PRKCB: variants seen among roughly 807,000 people sequenced by gnomAD.
PRKCB encodes the protein protein kinase C beta type.
A neutral mutation model predicts 81.5 loss-of-function variants in PRKCB; 13 were observed. The observed-to-expected ratio is 0.16, with a 90% CI of 0.10 to 0.25. The LOEUF (loss-of-function observed/expected upper bound fraction) is 0.25, where lower values mean the gene tolerates loss of function less well. Ranked by LOEUF, PRKCB falls within the 10% of genes least tolerant of loss-of-function variation. The probability of loss-of-function intolerance (pLI) is 1.00; values close to 1 mark genes in which losing one functional copy is unlikely to be tolerated. For missense variants in PRKCB, 509 were observed against 875.7 expected (o/e 0.58, Z 5.29); for synonymous variants, 335 against 321.4 (o/e 1.04, Z -0.45).
intron 2 of PRKCB, among the ~76,000 whole-genome samples, chr16:23,924,365 A>T (rs9935156): frequency 0.92 from 139,652 of 152,028 alleles, 64,425 homozygotes; most frequent in East Asian, 1. Flanking sequence ...GGTAGTATCA[A>T]GATAGCAGTG....
chr16:24,022,185 A>G (rs1965413744), intron 3 of PRKCB, among the ~76,000 whole-genome samples: 1 of 152,106 alleles, frequency 6.6e-6, no homozygotes, highest in African/African-American at 2.4e-5. Flanking sequence ...GAGTCAGACA[A>G]ACTCACTCGG....
Position 24,032,175 on chromosome 16 carries a change from T to G in PRKCB, c.328T>G (p.Ser110Ala), listed in dbSNP as rs1187190929. ...SKHKFKIHTY[S>A]SPTFCDHCGS... ...ACACAAGTTTAAGATCCACACGTACTCCAGCCCCACGTTTTGTGACCACTG... is the reference window on the plus strand; with the variant it reads ...ACACAAGTTTAAGATCCACACGTACGCCAGCCCCACGTTTTGTGACCACTG... The change falls in exon 4 of 17, where the codon TCC becomes GCC. Residue 110 changes from serine to alanine, a missense_variant. Ser to Ala is a moderately conservative substitution (Grantham distance 99). Around this residue, in one of 6 missense-constraint regions of PRKCB, gnomAD observed 184 missense variants for 362.9 expected, o/e 0.51. Transcript: ENST00000643927. 6.2e-7 allele frequency: 1 copy of G among 1,613,818 alleles called. No homozygotes were observed. Among genetic ancestry groups the G allele is most frequent in the Non-Finnish European group, 8.5e-7 (1 of 1,179,908 alleles).
intron 2 of PRKCB, among the ~76,000 whole-genome samples, chr16:23,950,134 T>TTTTG (rs1964258502): frequency 1.6e-5 from 2 of 126,476 alleles, no homozygotes; most frequent in African/African-American, 3.3e-5. Flanking sequence ...TGATTTGAAT[T>TTTTG]TTTTTTTTTT....
chr16:23,866,228 G>T (rs8060341), intron 2 of PRKCB, among the ~76,000 whole-genome samples: 1 of 152,090 alleles, frequency 6.6e-6, no homozygotes, highest in African/African-American at 2.4e-5. Flanking sequence ...GAAAACATCA[G>T]GGGAGGTAGA....
At chr16:23,992,244 A>C (rs1265371583) in intron 3 of PRKCB, among the ~76,000 whole-genome samples, 1 of 152,232 alleles carries the variant, frequency 6.6e-6, no homozygotes, top group African/African-American at 2.4e-5. Flanking sequence ...AGCAGCCAGA[A>C]GGGACTAGGA....
intron 5 of PRKCB, among the ~76,000 whole-genome samples, chr16:24,049,786 G>C (rs748849330): frequency 9.2e-5 from 14 of 152,214 alleles, no homozygotes; most frequent in Non-Finnish European, 2.9e-5. Context: ...AAAGTGGTTT[G>C]TGTACATGGG....
At chr16:23,953,637 T>G (rs1163128928) in intron 2 of PRKCB, among the ~76,000 whole-genome samples, 1 of 152,198 alleles carries the variant, frequency 6.6e-6, no homozygotes, top group Non-Finnish European at 1.5e-5. Flanking sequence ...GGTGGTTGAG[T>G]GAAGATCTTC....
intron 3 of PRKCB, among the ~76,000 whole-genome samples, chr16:23,997,123 T>G (rs149881600): frequency 6.6e-6 from 1 of 152,200 alleles, no homozygotes; most frequent in Non-Finnish European, 1.5e-5. Flanking sequence ...ATTCTATTGA[T>G]AGTTAACACT....
intron 5 of PRKCB, among the ~76,000 whole-genome samples, chr16:24,061,919 A>AAT (rs968637770): frequency 6.8e-6 from 1 of 146,694 alleles, no homozygotes; most frequent in Non-Finnish European, 1.5e-5. Flanking sequence ...ATAAAAAAAA[A>AAT]AAAAAAAAAA....
intron 16 of PRKCB, among the ~76,000 whole-genome samples, chr16:24,207,397 A>G (rs1177453842): frequency 6.6e-6 from 1 of 152,238 alleles, no homozygotes. Flanking sequence ...ATAATCAAGC[A>G]TAAAGGGGAA....
intron 2 of PRKCB, among the ~76,000 whole-genome samples, chr16:23,931,532 G>A (rs1302825068): frequency 1.3e-5 from 2 of 152,174 alleles, no homozygotes; most frequent in Admixed American, 6.5e-5. Context: ...GGGTGAGGGT[G>A]TGAGAAGAGA....
At chr16:24,021,091 T>TTTTCTTTC (rs1439131100) in intron 3 of PRKCB, among the ~76,000 whole-genome samples, 22 of 58,024 alleles carry the variant, frequency 3.8e-4, no homozygotes, top group African/African-American at 9.0e-4. Context: ...TTCTTTCTTT[T>TTTTCTTTC]TTTCTTTCTT....
At chr16:23,880,634 G>A (rs1225513071) in intron 2 of PRKCB, among the ~76,000 whole-genome samples, 1 of 151,704 alleles carries the variant, frequency 6.6e-6, no homozygotes, top group Non-Finnish European at 1.5e-5. Flanking sequence ...ATGAAGTAGG[G>A]TACTAGAATT....
chr16:23,882,021 T>TTCTTTCTTTCTTTCTCTTTCTTC (rs1555481692), intron 2 of PRKCB, among the ~76,000 whole-genome samples: 2 of 55,632 alleles, frequency 3.6e-5, no homozygotes, highest in Non-Finnish European at 7.3e-5. Context: ...TTTCTTTCTT[T>TTCTTTCTTTCTTTCTCTTTCTTC]CTTCCTTCCT....
intron 2 of PRKCB, among the ~76,000 whole-genome samples, chr16:23,937,749 T>C (rs1964082537): frequency 6.6e-6 from 1 of 152,200 alleles, no homozygotes; most frequent in African/African-American, 2.4e-5. Context: ...TCTCTTCTGC[T>C]CAAAATTAAG....
Position 24,220,516 on chromosome 16 carries a change from T to C in PRKCB, c.*5700T>C, listed in dbSNP as rs1438704038. ...TAAGCATGAGCGATATTTTTAAAAA[T>C]TGTGAGTAAGCTTTGCAGTTACTGT... On this transcript the variant is annotated 3_prime_UTR_variant, in exon 17 of 17. Transcript: ENST00000643927. 3 of 159,194 alleles carry C rather than the reference T, an allele frequency of 1.9e-5. No homozygotes were observed. Among genetic ancestry groups the C allele is most frequent in the African/African-American group, 7.2e-5 (3 of 41,576 alleles). The allele number at this position is 159,194 out of a possible 1,614,324, so 9.9% of individuals were successfully genotyped here. A position where few individuals can be genotyped will look rare whatever the true frequency, so the allele number is the denominator to read the frequency against.
chr16:24,164,686 C>T (rs1227865095), intron 10 of PRKCB, among the ~76,000 whole-genome samples: 2 of 152,112 alleles, frequency 1.3e-5, no homozygotes, highest in African/African-American at 4.8e-5. Context: ...ATCAGCCCAG[C>T]GAGATGAGAG....
chr16:23,936,673 C>T (rs1298788644), intron 2 of PRKCB, among the ~76,000 whole-genome samples: 1 of 147,912 alleles, frequency 6.8e-6, no homozygotes, highest in Non-Finnish European at 1.5e-5. Context: ...GATCCACCTG[C>T]CTTGGCCTCC....
At position 23,848,098 on chromosome 16, in the gene PRKCB, C is replaced by T. The variant is rs532341917; in HGVS notation, c.205+10692C>T. Among the ~76,000 whole-genome samples the T allele has an allele frequency of 7.9e-5, 12 of 152,162 alleles. No homozygotes were observed. The East Asian group carries it at 2.3e-3, about 29-fold the overall frequency. ...GTGAGGAGAGAGAATAGGGCACATG[C>T]AGGGAACAGGAAGAAGAGGGTGTGA... is the stretch of plus-strand genomic sequence containing the variant. On this transcript the variant is annotated intron_variant, in intron 2 of 16. Transcript: ENST00000643927.
Sources: allele counts gnomAD v4.1 joint callset (sites outside exome capture counted in the v4.1 genomes callset), GRCh38; gene constraint gnomAD v4.1.1; regional missense constraint gnomAD v4.1.1; transcripts MANE v1.5; gene names NCBI Gene and HGNC (gene_info 2026-07-23, HGNC 2026-07-21).